The following LRRC4C variants were observed in gnomAD, a reference collection of about 807,000 sequenced individuals.
LRRC4C encodes leucine-rich repeat-containing protein 4C.
LRRC4C carries 5 observed loss-of-function variants against 33.6 expected under a neutral mutation model. The observed-to-expected ratio is 0.15, with a 90% CI of 0.08 to 0.31. LRRC4C has a LOEUF of 0.31. LRRC4C is among the 10% of genes least tolerant of loss of function. LRRC4C has a pLI of 1.00. For missense variants in LRRC4C, 560 were observed against 796.7 expected (o/e 0.70, Z 3.58); for synonymous variants, 329 against 302.0 (o/e 1.09, Z -0.93).
In LRRC4C at chr11:40,527,444, G is replaced by A. The variant is rs560234203; in HGVS notation, c.-270+120698C>T. On this transcript the variant is annotated intron_variant, in intron 3 of 6. Coordinates refer to ENST00000528697, the MANE Select transcript of LRRC4C (RefSeq NM_001258419.2). Reference sequence around the variant, plus strand: ...GTTGATATGATCAGATGGCACTGATGTAAGAAAGTGAAAAAAATGGGCAAA... The same window carrying A: ...GTTGATATGATCAGATGGCACTGATATAAGAAAGTGAAAAAAATGGGCAAA... Among the ~76,000 whole-genome samples, 61 of 152,272 alleles carry A rather than the reference G, an allele frequency of 4.0e-4. 1 individual carries two copies. The highest frequency in any genetic ancestry group is 6.8e-3 in the Middle Eastern group (2 of 294).
intron 3 of LRRC4C, among the ~76,000 whole-genome samples, chr11:40,628,647 G>A (rs973659697): frequency 5.0e-4 from 76 of 152,128 alleles, no homozygotes; most frequent in African/African-American, 1.8e-3. Context: ...GTCAAGTGTT[G>A]AGGTCACATT....
At chr11:41,010,541 AG>A (rs1191295439) in intron 1 of LRRC4C, among the ~76,000 whole-genome samples, 1 of 152,194 alleles carries the variant, frequency 6.6e-6, no homozygotes, top group Non-Finnish European at 1.5e-5. Context: ...TTGGCAACAA[AG>A]GATGTAGCCA....
chr11:40,436,120 A>G (rs1231586843), intron 3 of LRRC4C, among the ~76,000 whole-genome samples: 1 of 152,230 alleles, frequency 6.6e-6, no homozygotes, highest in Non-Finnish European at 1.5e-5. Context: ...TCTGTAGGTC[A>G]TAATCACATC....
intron 2 of LRRC4C, among the ~76,000 whole-genome samples, chr11:40,686,210 C>G (rs1446105963): frequency 6.6e-6 from 1 of 152,018 alleles, no homozygotes; most frequent in Non-Finnish European, 1.5e-5. Flanking sequence ...ATAACAATAA[C>G]AGTATCTACC....
At chr11:40,655,745 C>G (rs1330264875) in intron 2 of LRRC4C, among the ~76,000 whole-genome samples, 1 of 152,078 alleles carries the variant, frequency 6.6e-6, no homozygotes, top group Non-Finnish European at 1.5e-5. Context: ...CTCAAAATCT[C>G]TGGCAGAGTG....
At chr11:40,935,140 C>T (rs1957814458) in intron 1 of LRRC4C, among the ~76,000 whole-genome samples, 1 of 152,138 alleles carries the variant, frequency 6.6e-6, no homozygotes, top group East Asian at 1.9e-4. Context: ...GTTTTTTTCA[C>T]TGCTGCACTC....
At chr11:41,440,071 T>A (rs1036204686) in intron 1 of LRRC4C, among the ~76,000 whole-genome samples, 1 of 152,224 alleles carries the variant, frequency 6.6e-6, no homozygotes, top group African/African-American at 2.4e-5. Flanking sequence ...TAGGCCAATG[T>A]CCAGAAGAGT....
At chr11:41,407,133 C>T (rs1428605380) in intron 1 of LRRC4C, among the ~76,000 whole-genome samples, 1 of 151,998 alleles carries the variant, frequency 6.6e-6, no homozygotes, top group Admixed American at 6.6e-5. Flanking sequence ...CTTTCAGTGT[C>T]TATGGACCAC....
intron 1 of LRRC4C, among the ~76,000 whole-genome samples, chr11:41,400,340 C>G (rs554169514): frequency 5.9e-5 from 9 of 152,056 alleles, no homozygotes; most frequent in African/African-American, 1.2e-4. Context: ...TAAGTACTCA[C>G]AAGTACTTAT....
At chr11:40,854,819 T>A (rs1275428629) in intron 2 of LRRC4C, among the ~76,000 whole-genome samples, 1 of 151,836 alleles carries the variant, frequency 6.6e-6, no homozygotes, top group Non-Finnish European at 1.5e-5. Context: ...AGTTTATATA[T>A]TATCTTGTGT....
intron 4 of LRRC4C, among the ~76,000 whole-genome samples, chr11:40,296,143 G>T (rs1212154711): frequency 6.6e-6 from 1 of 152,124 alleles, no homozygotes; most frequent in Non-Finnish European, 1.5e-5. Flanking sequence ...AAGCAGCAGG[G>T]ACAGGTAAGT....
intron 1 of LRRC4C, among the ~76,000 whole-genome samples, chr11:41,400,173 T>A (rs1000857224): frequency 6.6e-6 from 1 of 151,966 alleles, no homozygotes. Flanking sequence ...CTGGACAATT[T>A]GAGACTGTTA....
chr11:41,240,420 A>G (rs568189655), intron 1 of LRRC4C, among the ~76,000 whole-genome samples: 217 of 152,298 alleles, frequency 1.4e-3, no homozygotes, highest in African/African-American at 5.0e-3. Context: ...ACAGCCTGAA[A>G]AACCACAGAT....
chr11:40,912,798 A>T (rs1242832171), intron 2 of LRRC4C, among the ~76,000 whole-genome samples: 1 of 152,172 alleles, frequency 6.6e-6, no homozygotes, highest in African/African-American at 2.4e-5. Flanking sequence ...TATTCAGGAA[A>T]CCCATCTCAC....
At chr11:40,713,259 C>T (rs1192995165) in intron 2 of LRRC4C, among the ~76,000 whole-genome samples, 1 of 152,068 alleles carries the variant, frequency 6.6e-6, no homozygotes, top group South Asian at 2.1e-4. Context: ...AGACTAAGTT[C>T]CTAACTAGAT....
intron 1 of LRRC4C, among the ~76,000 whole-genome samples, chr11:41,210,017 A>T (rs1166495448): frequency 6.6e-6 from 1 of 152,166 alleles, no homozygotes; most frequent in Non-Finnish European, 1.5e-5. Context: ...GTGAGGATTC[A>T]GTGAGGAAGC....
chr11:40,703,716 G>A (rs1452159159), intron 2 of LRRC4C, among the ~76,000 whole-genome samples: 1 of 152,158 alleles, frequency 6.6e-6, no homozygotes, highest in Non-Finnish European at 1.5e-5. Context: ...ACTAGTCATG[G>A]TGACTTAGAA....
chr11:40,925,614 G>A (rs1957381940), intron 2 of LRRC4C, among the ~76,000 whole-genome samples: 1 of 152,148 alleles, frequency 6.6e-6, no homozygotes, highest in Non-Finnish European at 1.5e-5. Flanking sequence ...GATAACAAAA[G>A]GAAAGTTATA....
At chr11:40,703,314 A>C (rs1945972796) in intron 2 of LRRC4C, among the ~76,000 whole-genome samples, 1 of 152,228 alleles carries the variant, frequency 6.6e-6, no homozygotes, top group South Asian at 2.1e-4. Flanking sequence ...AAATTCAAAG[A>C]AATGGTCAAG....
Sources: allele counts gnomAD v4.1 joint callset (sites outside exome capture counted in the v4.1 genomes callset), GRCh38; gene constraint gnomAD v4.1.1; transcripts MANE v1.5; gene names NCBI Gene and HGNC (gene_info 2026-07-23, HGNC 2026-07-21).